EYS: variants seen among roughly 807,000 people sequenced by gnomAD.
EYS encodes protein eyes shut homolog.
In EYS, 250 loss-of-function variants were observed where a neutral mutation model predicts 282.1. The observed-to-expected ratio is 0.89, with a 90% CI of 0.80 to 0.98. EYS has a LOEUF of 0.98. EYS is among the 50% of genes least tolerant of loss of function. The pLI is 0.00. For missense variants in EYS, 4,016 were observed against 3,709.0 expected (o/e 1.08, Z -2.15); for synonymous variants, 1,355 against 1,282.9 (o/e 1.06, Z -1.20).
chr6:64,645,600 A>G (rs969746580), intron 22 of EYS, among the ~76,000 whole-genome samples: 5 of 152,240 alleles, frequency 3.3e-5, no homozygotes, highest in Non-Finnish European at 7.4e-5. Flanking sequence ...GATGCTTTTC[A>G]TCTATAAATA....
intron 5 of EYS, among the ~76,000 whole-genome samples, chr6:65,429,047 G>T (rs1032224741): frequency 3.3e-5 from 5 of 152,046 alleles, no homozygotes; most frequent in Admixed American, 2.0e-4. Flanking sequence ...GGGCATGGTG[G>T]CACATGCCTG....
At chr6:64,449,886 C>G (rs2150476158) in intron 26 of EYS, among the ~76,000 whole-genome samples, 1 of 152,238 alleles carries the variant, frequency 6.6e-6, no homozygotes, top group East Asian at 1.9e-4. Flanking sequence ...CAACCGGTAC[C>G]AGCCACTGCA....
At chr6:64,083,886 T>C (rs1772058497) in intron 31 of EYS, among the ~76,000 whole-genome samples, 1 of 152,096 alleles carries the variant, frequency 6.6e-6, no homozygotes, top group Admixed American at 6.5e-5. Flanking sequence ...TACAGTCATG[T>C]GCCACCATGC....
intron 31 of EYS, among the ~76,000 whole-genome samples, chr6:64,214,269 AAT>A (rs1260406247): frequency 1.3e-5 from 2 of 152,120 alleles, no homozygotes; most frequent in Non-Finnish European, 2.9e-5. Context: ...TGCTAATTTG[AAT>A]ATGAGAACTA....
chr6:64,363,456 GT>G (rs1387856389), intron 29 of EYS, among the ~76,000 whole-genome samples: 1 of 151,758 alleles, frequency 6.6e-6, no homozygotes, highest in East Asian at 1.9e-4. Flanking sequence ...TCTTGATCAC[GT>G]TTTTCCCCTG....
chr6:64,677,743 A>C (rs1769744927), intron 22 of EYS, among the ~76,000 whole-genome samples: 1 of 152,140 alleles, frequency 6.6e-6, no homozygotes, highest in Admixed American at 6.5e-5. Flanking sequence ...ATTTTAAAAA[A>C]ATGTCTAATT....
chr6:65,635,203 C>A (rs1196025457), intron 2 of EYS, among the ~76,000 whole-genome samples: 2 of 152,152 alleles, frequency 1.3e-5, no homozygotes, highest in African/African-American at 4.8e-5. Context: ...TTGTGCATAA[C>A]CCACCTCAAC....
chr6:65,283,458 T>C (rs1768277504), intron 12 of EYS, among the ~76,000 whole-genome samples: 1 of 152,048 alleles, frequency 6.6e-6, no homozygotes, highest in Non-Finnish European at 1.5e-5. Flanking sequence ...TGGCAGTTCA[T>C]TGTCGTGACT....
intron 36 of EYS, among the ~76,000 whole-genome samples, chr6:63,834,873 TA>T (rs1582259054): frequency 6.6e-6 from 1 of 151,312 alleles, no homozygotes; most frequent in Non-Finnish European, 1.5e-5. Context: ...TATGCAGCCA[TA>T]AAAAAGGATG....
chr6:63,852,685 A>G (rs923942375), intron 36 of EYS, among the ~76,000 whole-genome samples: 1 of 152,206 alleles, frequency 6.6e-6, no homozygotes, highest in Admixed American at 6.5e-5. Flanking sequence ...ACAAAAAAAG[A>G]AAATTTCAGG....
chr6:64,156,748 C>T (rs1774935053), intron 31 of EYS, among the ~76,000 whole-genome samples: 1 of 152,078 alleles, frequency 6.6e-6, no homozygotes, highest in African/African-American at 2.4e-5. Context: ...TGCCCCTACC[C>T]TAGAGATTTG....
At chr6:64,209,620 T>G (rs888815309) in intron 31 of EYS, among the ~76,000 whole-genome samples, 1 of 152,226 alleles carries the variant, frequency 6.6e-6, no homozygotes, top group Non-Finnish European at 1.5e-5. Flanking sequence ...CAGTAACTTT[T>G]CAGGATCTCA....
At chr6:65,404,274 C>T (rs574719356) in intron 6 of EYS, among the ~76,000 whole-genome samples, 1 of 152,202 alleles carries the variant, frequency 6.6e-6, no homozygotes, top group East Asian at 1.9e-4. Flanking sequence ...ACTGGATCCA[C>T]CCAAATAATC....
rs1052079286 is a variant in EYS, at chr6:65,495,067, A to G, written c.344T>C (p.Val115Ala). The change falls in exon 4 of 43, where the codon GTG becomes GCG. Residue 115 changes from valine (V) to alanine (A), a missense_variant. Val to Ala is a moderately conservative substitution (Grantham distance 64, BLOSUM62 0). Transcript: ENST00000503581. ...CTGATCTTCCGTTGTGGTATTTTGC[A>G]CACAGCCAACGAAAGATGTTTCAGA... The part of the protein sequence containing the change: ...NVSETSFVGC[V>A]QNTTTEDQLL... The G allele has an allele frequency of 5.6e-6, 9 of 1,614,098 alleles. No individual in the cohort carries two copies. The highest frequency in any genetic ancestry group is 1.6e-4 in the Middle Eastern group (1 of 6,084).
chr6:65,245,759 A>T (rs1207750516), intron 12 of EYS, among the ~76,000 whole-genome samples: 2 of 151,910 alleles, frequency 1.3e-5, no homozygotes, highest in Non-Finnish European at 2.9e-5. Flanking sequence ...TTATTTGAAA[A>T]ATCTTGGATA....
intron 12 of EYS, among the ~76,000 whole-genome samples, chr6:65,195,352 A>T (rs1299439025): frequency 6.6e-6 from 1 of 151,998 alleles, no homozygotes; most frequent in East Asian, 1.9e-4. Flanking sequence ...TATTCATAAA[A>T]CATCAGCCTG....
intron 12 of EYS, among the ~76,000 whole-genome samples, chr6:65,279,771 C>T (rs1768164626): frequency 2.0e-5 from 3 of 152,120 alleles, no homozygotes; most frequent in Non-Finnish European, 1.5e-5. Context: ...TGTAGACTTA[C>T]ATAAACCTTT....
chr6:65,407,563 T>C (rs969864404), intron 5 of EYS, among the ~76,000 whole-genome samples: 1 of 152,170 alleles, frequency 6.6e-6, no homozygotes, highest in African/African-American at 2.4e-5. Flanking sequence ...CTTGAAGTAT[T>C]GTTTTTAATA....
intron 14 of EYS, among the ~76,000 whole-genome samples, chr6:64,989,394 A>ATATATATATATATAT (rs1770971457): frequency 1.4e-5 from 1 of 69,722 alleles, no homozygotes; most frequent in Admixed American, 1.4e-4. Flanking sequence ...GGCTAGCTGT[A>ATATATATATATATAT]ATATATATAT....
Sources: allele counts gnomAD v4.1 joint callset (sites outside exome capture counted in the v4.1 genomes callset), GRCh38; gene constraint gnomAD v4.1.1; transcripts MANE v1.5; gene names NCBI Gene and HGNC (gene_info 2026-07-23, HGNC 2026-07-21).